Variants in OPHN1 observed in about 807,000 individuals in gnomAD.
The protein encoded by OPHN1 is oligophrenin-1.
A neutral mutation model predicts 60.7 loss-of-function variants in OPHN1; 11 were observed. The observed-to-expected ratio is 0.18, with a 90% CI of 0.11 to 0.30. The LOEUF (loss-of-function observed/expected upper bound fraction) is 0.30, where lower values mean the gene tolerates loss of function less well. OPHN1 is among the 10% of genes least tolerant of loss of function. The pLI is 1.00. For missense variants in OPHN1, 449 were observed against 611.0 expected (o/e 0.73, Z 2.80); for synonymous variants, 226 against 222.6 (o/e 1.02, Z -0.14).
chrX:68,157,584 GAA>G (rs1402229379), intron 15 of OPHN1, among the ~76,000 whole-genome samples: 2 of 111,703 alleles, frequency 1.8e-5, no homozygotes, highest in Non-Finnish European at 3.8e-5. Flanking sequence ...TTAGACGGGG[GAA>G]GAAAGAGGAG....
At chrX:68,380,451 T>G (rs2078590056) in intron 2 of OPHN1, among the ~76,000 whole-genome samples, 1 of 111,631 alleles carries the variant, frequency 9.0e-6, no homozygotes, top group South Asian at 3.8e-4. Context: ...CTGATTTTAG[T>G]TATTTCTTGC....
chrX:68,433,654 C>T, upstream of OPHN1: 1 of 297,523 alleles, frequency 3.4e-6, no homozygotes, highest in Non-Finnish European at 5.9e-6. Context: ...GACCAGGGCC[C>T]GCTGGCTGCT....
At chrX:68,132,710 T>A (rs1329903621) in intron 15 of OPHN1, among the ~76,000 whole-genome samples, 16 of 49,824 alleles carry the variant, frequency 3.2e-4, no homozygotes, top group African/African-American at 5.5e-4. Context: ...TAAAAAAAAA[T>A]AATAATAAAA....
chrX:68,105,241 C>T (rs1243385028), intron 18 of OPHN1, among the ~76,000 whole-genome samples: 2 of 110,868 alleles, frequency 1.8e-5, no homozygotes, highest in Admixed American at 9.6e-5. Context: ...TTGTGGAAGA[C>T]AGTGTGGTGA....
intron 15 of OPHN1, among the ~76,000 whole-genome samples, chrX:68,170,810 T>A (rs1448304022): frequency 6.9e-5 from 7 of 101,084 alleles, no homozygotes; most frequent in Admixed American, 6.4e-4. Flanking sequence ...GAGGGATAGC[T>A]TTAGGAGATA....
intron 2 of OPHN1, among the ~76,000 whole-genome samples, chrX:68,395,032 C>G (rs1009616742): frequency 9.1e-6 from 1 of 109,829 alleles, no homozygotes; most frequent in Non-Finnish European, 1.9e-5. Flanking sequence ...CTCAGCCCAC[C>G]GCAACCTCCG....
intron 2 of OPHN1, among the ~76,000 whole-genome samples, chrX:68,335,555 T>A (rs1189041608): frequency 8.9e-6 from 1 of 112,111 alleles, no homozygotes; most frequent in Non-Finnish European, 1.9e-5. Flanking sequence ...AACTACGAAA[T>A]CTATCCACAG....
At chrX:68,107,488 T>C (rs1274206959) in intron 18 of OPHN1, among the ~76,000 whole-genome samples, 7 of 112,153 alleles carry the variant, frequency 6.2e-5, no homozygotes, top group Admixed American at 1.9e-4. Flanking sequence ...ATTTTTATTA[T>C]GTCTAATTAG....
intron 11 of OPHN1, among the ~76,000 whole-genome samples, chrX:68,199,836 GGATGTCTT>G (rs1217181042): frequency 2.7e-5 from 3 of 112,869 alleles, no homozygotes; most frequent in African/African-American, 9.7e-5. Context: ...CGAGGCAGGT[GGATGTCTT>G]GAGGCCAGGA....
In OPHN1 at chrX:68,408,041, G is replaced by A. The variant is rs779350310; in HGVS notation, c.154+24826C>T. On this transcript the variant is annotated intron_variant, in intron 2 of 24. Transcript: ENST00000355520. ...GCTGGACTCGAACTCCTGGACGTAA[G>A]CAACCCTCCTGCCTCAGCCTCCTGA... Among the ~76,000 whole-genome samples, 10 of 112,122 alleles carry A rather than the reference G, an allele frequency of 8.9e-5. No individual in the cohort carries two copies. In the South Asian group the frequency reaches 3.7e-3, roughly 42 times the overall value.
At chrX:68,302,712 G>A (rs1175436302) in intron 2 of OPHN1, among the ~76,000 whole-genome samples, 1 of 111,651 alleles carries the variant, frequency 9.0e-6, no homozygotes, top group Non-Finnish European at 1.9e-5. Flanking sequence ...GAGGTCAGGA[G>A]TTTGAGATCA....
intron 3 of OPHN1, among the ~76,000 whole-genome samples, chrX:68,297,931 A>G (rs903929453): frequency 8.9e-6 from 1 of 111,988 alleles, no homozygotes; most frequent in African/African-American, 3.2e-5. Flanking sequence ...AAGTATGTCC[A>G]AGATACTATT....
chrX:68,283,146 A>T (rs201738844), intron 3 of OPHN1, 29 bp from the exon 4 acceptor site: 1 of 1,122,670 alleles, frequency 8.9e-7, no homozygotes, highest in African/African-American at 1.8e-5. Context: ...ATGTAAAACA[A>T]ATTAATCATG....
rs754160715 is a variant in OPHN1, at chrX:68,219,510, A to G, written c.487-5538T>C. On this transcript the variant is annotated intron_variant, in intron 6 of 24. Coordinates refer to ENST00000355520, the MANE Select transcript of OPHN1 (RefSeq NM_002547.3). The stretch of plus-strand genomic sequence containing the variant: ...CAGCACCACACCACACCTATTCCAA[A>G]ATTGACCACATAGTTGGAAGTAAAG... Among the ~76,000 whole-genome samples, 757 of 108,688 alleles carry G rather than the reference A, an allele frequency of 7.0e-3. 9 individuals carry two copies. Among genetic ancestry groups the G allele is most frequent in the African/African-American group, 0.024 (724 of 29,853 alleles). 94.4% of individuals were successfully genotyped at this position (108,688 alleles called of 115,157 possible).
intron 19 of OPHN1, among the ~76,000 whole-genome samples, chrX:68,079,776 G>A (rs1019568895): frequency 9.0e-6 from 1 of 111,471 alleles, no homozygotes; most frequent in East Asian, 2.8e-4. Context: ...AAACACTTTC[G>A]TCCCTTAAAA....
intron 18 of OPHN1, 69 bp downstream of exon 18, chrX:68,111,785 C>CTG (rs1240653301): frequency 1.4e-6 from 1 of 726,388 alleles, no homozygotes; most frequent in Admixed American, 2.2e-5. Context: ...GAGGCAGTTT[C>CTG]TGTGTAGTCC....
intron 2 of OPHN1, among the ~76,000 whole-genome samples, chrX:68,405,157 A>C (rs1232166559): frequency 8.9e-6 from 1 of 112,313 alleles, no homozygotes; most frequent in Non-Finnish European, 1.9e-5. Flanking sequence ...ATAATGTCCT[A>C]CATCAGGTAC....
At chrX:68,270,243 A>G (rs1161848741) in intron 5 of OPHN1, among the ~76,000 whole-genome samples, 2 of 111,253 alleles carry the variant, frequency 1.8e-5, no homozygotes, top group African/African-American at 3.3e-5. Context: ...TACTGGGTAT[A>G]TACCCAAAGG....
chrX:68,244,039 T>A (rs2147536648), intron 5 of OPHN1, among the ~76,000 whole-genome samples: 1 of 112,742 alleles, frequency 8.9e-6, no homozygotes, highest in East Asian at 2.8e-4. Flanking sequence ...GTTGTTACTA[T>A]GACCTACAAA....
Sources: gnomAD v4.1 joint callset for allele counts (sites outside exome capture counted in the v4.1 genomes callset) on GRCh38, gnomAD v4.1.1 for gene constraint, MANE v1.5 for transcripts, NCBI Gene and HGNC (gene_info 2026-07-23, HGNC 2026-07-21) for gene names.